Variants in TRIOBP observed in about 807,000 individuals in gnomAD.
The protein encoded by TRIOBP is TRIO and F-actin-binding protein.
Under a neutral mutation model 238.8 loss-of-function variants are expected in TRIOBP, and 169 were observed. The ratio of observed to expected loss-of-function variants is 0.71; its 90% confidence interval spans 0.62 to 0.80. TRIOBP has a LOEUF of 0.80. Among genes scored for constraint, TRIOBP ranks in the 30% least tolerant of loss-of-function variants. TRIOBP has a pLI of 0.00. For synonymous variants in TRIOBP, 1,150 were observed against 1,274.4 expected, an observed-to-expected ratio of 0.90 and a Z score of 2.08; for missense variants, 2,838 against 3,122.6, an observed-to-expected ratio of 0.91 and a Z score of 2.17.
chr22:37,746,393 C>T (rs1166369288), intron 11 of TRIOBP: 4 of 1,403,360 alleles, frequency 2.9e-6, no homozygotes, highest in Admixed American at 4.6e-5. Context: ...GCCTCCTGCT[C>T]CCGCCGCCCT....
In TRIOBP at chr22:37,726,286, C is replaced by T; in HGVS notation, c.3730C>T (p.Pro1244Ser). Residue 1244 changes from proline to serine, a missense_variant, in exon 7 of 24, where the codon CCT becomes TCT. Coordinates refer to ENST00000644935, the MANE Select transcript of TRIOBP (RefSeq NM_001039141.3). Reference protein sequence around the residue: ...PSDLAFLAPSPSPGSSGGSRG... With the variant: ...PSDLAFLAPSSSPGSSGGSRG... ...TGACCTAGCGTTCCTGGCACCCTCA[C>T]CTTCACCGGGCAGCTCTGGGGGCTC... 2 of 1,613,062 alleles carry T rather than the reference C, an allele frequency of 1.2e-6. No homozygotes were observed. The highest frequency in any genetic ancestry group is 1.7e-6 in the Non-Finnish European group (2 of 1,179,978).
chr22:37,711,836 C>G (rs1026342342), intron 4 of TRIOBP, among the ~76,000 whole-genome samples: 1 of 151,884 alleles, frequency 6.6e-6, no homozygotes. Context: ...ATCGTGTAGG[C>G]CAGTCTGTGG....
At position 37,740,882 on chromosome 22, in the gene TRIOBP, C is replaced by T; in HGVS notation, c.5185-13C>T. 1 of 1,566,646 alleles carries T rather than the reference C, an allele frequency of 6.4e-7. No individual in the cohort carries two copies. Among genetic ancestry groups the T allele is most frequent in the South Asian group, 1.2e-5 (1 of 85,086 alleles). On this transcript the variant is annotated splice_polypyrimidine_tract_variant and intron_variant, in intron 10 of 23. Transcript: ENST00000644935. ...AAAGGGACCTGGGGCCAACACTGGA[C>T]CCTGTTTGACAGGCAGACAAGAGGC...
chr22:37,755,847 GTCTTCTCAAATGTGATGGGGCC>G, intron 15 of TRIOBP, among the ~76,000 whole-genome samples, 188 bp downstream of exon 15: 1 of 152,356 alleles, frequency 6.6e-6, no homozygotes, highest in South Asian at 2.1e-4. Context: ...GGTTTGATCT[GTCTTCTCAAATGTGATGGGGCC>G]TCTTCTCTTT....
At chr22:37,709,359 A>C (rs1225697931) in intron 3 of TRIOBP, among the ~76,000 whole-genome samples, 1 of 152,074 alleles carries the variant, frequency 6.6e-6, no homozygotes, top group Non-Finnish European at 1.5e-5. Context: ...CTGCGGTTTC[A>C]TGTCTTTCAT....
intron 6 of TRIOBP, among the ~76,000 whole-genome samples, chr22:37,717,791 G>C (rs902155458): frequency 6.6e-6 from 1 of 152,238 alleles, no homozygotes; most frequent in Non-Finnish European, 1.5e-5. Context: ...AGTGGATCTC[G>C]TTCTGGGGCT....
At chr22:37,704,567 G>A (rs1421247786) in intron 3 of TRIOBP, among the ~76,000 whole-genome samples, 2 of 151,818 alleles carry the variant, frequency 1.3e-5, no homozygotes, top group Non-Finnish European at 2.9e-5. Context: ...CAAGAGAAAT[G>A]CACATGATTA....
chr22:37,706,827 G>A (rs981897761), intron 3 of TRIOBP, among the ~76,000 whole-genome samples: 8 of 151,594 alleles, frequency 5.3e-5, no homozygotes, highest in African/African-American at 1.9e-4. Flanking sequence ...ACTTTCTTGA[G>A]CTTCCAGTTG....
At chr22:37,758,982 C>T (rs1926097256) in intron 16 of TRIOBP, among the ~76,000 whole-genome samples, 172 bp from the exon 17 acceptor site, 1 of 152,226 alleles carries the variant, frequency 6.6e-6, no homozygotes. Context: ...TGTCCCCTGG[C>T]TACATCTCAC....
chr22:37,733,152 AG>A (rs1924505032), intron 7 of TRIOBP, 145 bp from the exon 8 acceptor site: 1 of 684,740 alleles, frequency 1.5e-6, no homozygotes, highest in Non-Finnish European at 2.7e-6. Flanking sequence ...TAAGGCCCTG[AG>A]AGTCATCCTC....
In TRIOBP at chr22:37,697,933, C is replaced by T. The variant is rs551406244; in HGVS notation, c.-61+237C>T. On this transcript the variant is annotated intron_variant, in intron 2 of 23. Coordinates refer to ENST00000644935, the MANE Select transcript of TRIOBP (RefSeq NM_001039141.3). ...ATACCAGGGCGGCCGGGCGCGGTGGCTCAAGCCTGTAATCCCAGCACTTTG... is the reference window on the plus strand; with the variant it reads ...ATACCAGGGCGGCCGGGCGCGGTGGTTCAAGCCTGTAATCCCAGCACTTTG... Among the ~76,000 whole-genome samples the T allele has an allele frequency of 7.2e-5, 11 of 152,224 alleles. No individual in the cohort carries two copies. The South Asian group carries it at 2.3e-3, about 32-fold the overall frequency.
chr22:37,773,022 AC>A (rs1233291357), intron 23 of TRIOBP, among the ~76,000 whole-genome samples: 2 of 152,026 alleles, frequency 1.3e-5, no homozygotes, highest in African/African-American at 2.4e-5. Context: ...TACTCAGTGC[AC>A]CCCCCTTCTT....
chr22:37,704,828 G>A (rs1006286193), intron 3 of TRIOBP, among the ~76,000 whole-genome samples: 2 of 151,196 alleles, frequency 1.3e-5, no homozygotes, highest in African/African-American at 4.9e-5. Flanking sequence ...TTGGATTGAG[G>A]CACCGAAGCA....
chr22:37,773,571 C>G (rs1390824527), intron 23 of TRIOBP, among the ~76,000 whole-genome samples: 1 of 152,174 alleles, frequency 6.6e-6, no homozygotes, highest in East Asian at 1.9e-4. Flanking sequence ...GGAGCATCCT[C>G]TTTCTGATAA....
chr22:37,703,254 A>G (rs1922752984), intron 3 of TRIOBP, among the ~76,000 whole-genome samples: 1 of 151,790 alleles, frequency 6.6e-6, no homozygotes, highest in Non-Finnish European at 1.5e-5. Flanking sequence ...TCGGCTTCCC[A>G]AAGTGCTGGG....
At chr22:37,719,989 C>CACACTGCACTCACTGTTTCACTCAA (rs367687004) in intron 6 of TRIOBP, among the ~76,000 whole-genome samples, 7 of 71,206 alleles carry the variant, frequency 9.8e-5, no homozygotes, top group Non-Finnish European at 1.5e-4. Flanking sequence ...TTTCACTCAT[C>CACACTGCACTCACTGTTTCACTCAA]CCCCCCCGCC....
intron 6 of TRIOBP, among the ~76,000 whole-genome samples, chr22:37,718,426 AT>A (rs899226201): frequency 6.6e-6 from 1 of 152,174 alleles, no homozygotes; most frequent in African/African-American, 2.4e-5. Context: ...CAGATTCTGC[AT>A]CGATTACTGA....
At chr22:37,758,971 G>A (rs1397603803) in intron 16 of TRIOBP, among the ~76,000 whole-genome samples, 183 bp from the exon 17 acceptor site, 2 of 152,160 alleles carry the variant, frequency 1.3e-5, no homozygotes, top group African/African-American at 2.4e-5. Flanking sequence ...ACAGCCCAGC[G>A]TGTCCCCTGG....
chr22:37,741,585 A>G (rs1924936722), intron 11 of TRIOBP, among the ~76,000 whole-genome samples: 1 of 152,226 alleles, frequency 6.6e-6, no homozygotes, highest in African/African-American at 2.4e-5. Flanking sequence ...CAGCAGCCAC[A>G]GGCTGGCTCA....
Sources: gnomAD v4.1 joint callset for allele counts (sites outside exome capture counted in the v4.1 genomes callset) on GRCh38, gnomAD v4.1.1 for gene constraint, MANE v1.5 for transcripts, NCBI Gene and HGNC (gene_info 2026-07-23, HGNC 2026-07-21) for gene names.